The following ZNF367 variants were observed in gnomAD, a reference collection of about 807,000 sequenced individuals.
ZNF367 encodes zinc finger protein 367, also known as C2H2 zinc finger protein ZFF29.
ZNF367 carries 11 observed loss-of-function variants against 31.8 expected under a neutral mutation model. That is an observed-to-expected ratio of 0.35 (90% CI 0.22 to 0.57). ZNF367 has a LOEUF of 0.57. Ranked by LOEUF, ZNF367 falls within the 20% of genes least tolerant of loss-of-function variation. The probability of loss-of-function intolerance (pLI) is 0.85; values close to 1 mark genes in which losing one functional copy is unlikely to be tolerated. For synonymous variants in ZNF367, 199 were observed against 202.4 expected, an observed-to-expected ratio of 0.98 and a Z score of 0.14; for missense variants, 353 against 484.1, an observed-to-expected ratio of 0.73 and a Z score of 2.54.
Position 96,386,589 on chromosome 9 carries a change from C to A in ZNF367, c.*1648G>T, listed in dbSNP as rs1326442287. The A allele has an allele frequency of 6.6e-6, 1 of 151,644 alleles. No individual in the cohort carries two copies. Among genetic ancestry groups the A allele is most frequent in the Non-Finnish European group, 1.5e-5 (1 of 67,714 alleles). The allele number at this position is 151,644 out of a possible 1,614,324, so 9.4% of individuals were successfully genotyped here. ...TCTTAGACCATTACAAATATAAATT[C>A]TCTTATTACAAAAAAATCCCTAAAG... On this transcript the variant is annotated 3_prime_UTR_variant, in exon 5 of 5. Transcript: ENST00000375256.
At chr9:96,402,444 CTTTT>C (rs1174997133) in intron 1 of ZNF367, among the ~76,000 whole-genome samples, 19 of 66,084 alleles carry the variant, frequency 2.9e-4, no homozygotes, top group South Asian at 1.3e-3. Flanking sequence ...TTCTTTCTTT[CTTTT>C]TTTTTTTTTT....
chr9:96,405,576 T>C (rs1480531839), intron 1 of ZNF367, among the ~76,000 whole-genome samples: 2 of 152,134 alleles, frequency 1.3e-5, no homozygotes, highest in African/African-American at 2.4e-5. Context: ...TATATACATA[T>C]ACATACACAA....
Position 96,418,251 on chromosome 9 carries a change from T to C in ZNF367, c.-219A>G, listed in dbSNP as rs1831863955. On this transcript the variant is annotated 5_prime_UTR_variant, in exon 1 of 5. Transcript: ENST00000375256. ...CCCAGGTCAAGCGCGCCCTCCGCTC[T>C]TTGTACTCCGCAGCGCAGGCTGCAG... 3.4e-6 allele frequency: 2 copies of C among 585,534 alleles called. No individual in the cohort carries two copies. The highest frequency in any genetic ancestry group is 5.0e-6 in the Non-Finnish European group (2 of 397,072). The allele number at this position is 585,534 out of a possible 1,614,324, so 36.3% of individuals were successfully genotyped here.
In ZNF367 at chr9:96,388,284, C is replaced by T; in HGVS notation, c.1006G>A (p.Ala336Thr). ...EQRERLHGAL[A>T]LIELANLTGA... ...GTCAGGTTGGCAAGCTCTATGAGCG[C>T]GAGGGCTCCATGCAGGCGCTCCCGC... Residue 336 changes from alanine to threonine, a missense_variant, in exon 5 of 5, where the codon GCG (alanine) becomes ACG (threonine). Physicochemically the swap from Ala to Thr is moderately conservative, Grantham distance 58. Around this residue, in one of 5 missense-constraint regions of ZNF367, gnomAD observed 101 missense variants for 140.0 expected, o/e 0.72. Coordinates refer to ENST00000375256, the MANE Select transcript of ZNF367 (RefSeq NM_153695.4). The T allele has an allele frequency of 2.5e-6, 4 of 1,612,176 alleles. No individual in the cohort carries two copies. The highest frequency in any genetic ancestry group is 3.4e-6 in the Non-Finnish European group (4 of 1,180,028).
rs71368256 is a variant in ZNF367 at position 96,407,001 on chromosome 9, CAAAAAAAAAAAAAA to C, written c.421-8701_421-8688del. On this transcript the variant is annotated intron_variant, in intron 1 of 4. Transcript: ENST00000375256. Reference sequence around the variant, plus strand: ...TGGGTGACAGAGCAAGACTCCATCTCAAAAAAAAAAAAAAAAAAAAAAAAAAAGAACGTGGGGGT... The same window carrying C: ...TGGGTGACAGAGCAAGACTCCATCTCAAAAAAAAAAAAAGAACGTGGGGGT... 3.3e-4 allele frequency among the ~76,000 whole-genome samples: 12 copies of C among 35,908 alleles called. No homozygotes were observed. The East Asian group carries it at 5.0e-3, about 15-fold the overall frequency. The allele number at this position is 35,908 out of a possible 152,430, so 23.6% of individuals were successfully genotyped here. A position where few individuals can be genotyped will look rare whatever the true frequency, so the allele number is the denominator to read the frequency against.
intron 1 of ZNF367, among the ~76,000 whole-genome samples, chr9:96,405,664 A>C: frequency 6.6e-6 from 1 of 152,190 alleles, no homozygotes. Context: ...AACCTAAAAA[A>C]CAGTATGCTA....
chr9:96,415,745 C>T (rs771500214), intron 1 of ZNF367, among the ~76,000 whole-genome samples: 2 of 150,948 alleles, frequency 1.3e-5, no homozygotes, highest in African/African-American at 2.4e-5. Context: ...GTGATCCACC[C>T]GCCTCAGCCT....
chr9:96,415,659 G>A lies in ZNF367; in HGVS notation c.420+1954C>T, dbSNP rs180726682. On this transcript the variant is annotated intron_variant, in intron 1 of 4. Coordinates refer to ENST00000375256, the MANE Select transcript of ZNF367 (RefSeq NM_153695.4). ...ATTACGGGCGCCCGCCACCACGTCC[G>A]GCGAATTTTTATATTTTTAGTAGAG... Among the ~76,000 whole-genome samples the A allele has an allele frequency of 1.2e-4, 18 of 151,200 alleles. No individual in the cohort carries two copies. The East Asian group carries it at 2.5e-3, about 21-fold the overall frequency.
chr9:96,398,335 C>T, intron 1 of ZNF367, 21 bp from the exon 2 acceptor site: 1 of 1,584,362 alleles, frequency 6.3e-7, no homozygotes, highest in Non-Finnish European at 8.6e-7. Context: ...TTTTTATAAA[C>T]ATTAATATAA....
intron 1 of ZNF367, among the ~76,000 whole-genome samples, chr9:96,413,209 C>T (rs1014263888): frequency 1.3e-5 from 2 of 152,208 alleles, no homozygotes; most frequent in Non-Finnish European, 1.5e-5. Context: ...CATTCCTCAT[C>T]AGGTAAACAG....
chr9:96,388,206 C>T lies in ZNF367; in HGVS notation c.*31G>A. The T allele has an allele frequency of 4.4e-6, 7 of 1,589,394 alleles. No homozygotes were observed. The highest frequency in any genetic ancestry group is 6.0e-6 in the Non-Finnish European group (7 of 1,168,866). ...TACTTTTTAAGTATGCTGGGCAGTA[C>T]TTTTGTACAGTGGAAGAGTCAGTGT... On this transcript the variant is annotated 3_prime_UTR_variant, in exon 5 of 5. Transcript: ENST00000375256.
At chr9:96,407,273 C>A (rs1226993037) in intron 1 of ZNF367, 16 of 1,438,872 alleles carry the variant, frequency 1.1e-5, no homozygotes, top group Non-Finnish European at 1.4e-5. Flanking sequence ...GGCGGCTCTG[C>A]GGCCGTCACC....
intron 1 of ZNF367, among the ~76,000 whole-genome samples, chr9:96,401,793 A>G (rs1202360243): frequency 6.6e-6 from 1 of 151,354 alleles, no homozygotes; most frequent in Non-Finnish European, 1.5e-5. Flanking sequence ...GCGCCCCTGC[A>G]CTCCAGCCTG....
chr9:96,389,996 T>C (rs1320425629), intron 4 of ZNF367, among the ~76,000 whole-genome samples: 2 of 151,448 alleles, frequency 1.3e-5, no homozygotes, highest in African/African-American at 2.4e-5. Flanking sequence ...CAGGCTGGTC[T>C]TGATCTCCCG....
intron 1 of ZNF367, among the ~76,000 whole-genome samples, chr9:96,402,501 G>T (rs1183397294): frequency 7.5e-6 from 1 of 133,808 alleles, no homozygotes; most frequent in Non-Finnish European, 1.5e-5. Flanking sequence ...TGCCCAGGCT[G>T]GAGTGCAGTG....
chr9:96,405,293 C>A (rs1454952207), intron 1 of ZNF367, among the ~76,000 whole-genome samples: 2 of 122,122 alleles, frequency 1.6e-5, no homozygotes, highest in African/African-American at 3.2e-5. Context: ...CCAGCCTGGC[C>A]AACTAAGCAA....
At chr9:96,407,154 T>A in intron 1 of ZNF367, 1 of 600,428 alleles carries the variant, frequency 1.7e-6, no homozygotes, top group Non-Finnish European at 3.0e-6. Context: ...ACCCCATCTC[T>A]ATTATTAAAT....
chr9:96,394,752 T>C lies in ZNF367; in HGVS notation c.691+71A>G, dbSNP rs1831510633. ...TAAAAAATCTTTCCCCTCAAAAAAATTCAAGGAAAGGATATTTTAACTGTT... is the reference window on the plus strand; with the variant it reads ...TAAAAAATCTTTCCCCTCAAAAAAACTCAAGGAAAGGATATTTTAACTGTT... On this transcript the variant is annotated intron_variant, in intron 3 of 4. Coordinates refer to ENST00000375256, the MANE Select transcript of ZNF367 (RefSeq NM_153695.4). 5 of 1,428,694 alleles carry C rather than the reference T, an allele frequency of 3.5e-6. No individual in the cohort carries two copies. The Middle Eastern group carries it at 7.7e-4, about 221-fold the overall frequency. 88.5% of individuals were successfully genotyped at this position (1,428,694 alleles called of 1,614,324 possible). A position where few individuals can be genotyped will look rare whatever the true frequency, so the allele number is the denominator to read the frequency against.
chr9:96,401,938 A>G (rs966110456), intron 1 of ZNF367, among the ~76,000 whole-genome samples: 1 of 144,260 alleles, frequency 6.9e-6, no homozygotes, highest in Non-Finnish European at 1.5e-5. Context: ...GTTCAAGGCT[A>G]TAGTGAGCTA....
Sources: gnomAD v4.1 joint callset for allele counts (sites outside exome capture counted in the v4.1 genomes callset) on GRCh38, gnomAD v4.1.1 for gene constraint, gnomAD v4.1.1 regional missense constraint, MANE v1.5 for transcripts, NCBI Gene and HGNC (gene_info 2026-07-23, HGNC 2026-07-21) for gene names.